The following RCAN2 variants were observed in gnomAD, a reference collection of about 807,000 sequenced individuals.
RCAN2 encodes the protein calcipressin-2.
RCAN2 carries 9 observed loss-of-function variants against 23.6 expected under a neutral mutation model. That is an observed-to-expected ratio of 0.38 (90% CI 0.23 to 0.67). RCAN2 has a LOEUF of 0.67. Ranked by LOEUF, RCAN2 falls within the 30% of genes least tolerant of loss-of-function variation. The pLI is 0.51. For synonymous variants in RCAN2, 109 were observed against 115.7 expected (o/e 0.94, Z 0.37); for missense variants, 273 against 302.3 (o/e 0.90, Z 0.72).
intron 2 of RCAN2, among the ~76,000 whole-genome samples, chr6:46,352,686 C>G (rs1435024557): frequency 6.6e-6 from 1 of 152,194 alleles, no homozygotes; most frequent in African/African-American, 2.4e-5. Context: ...AAGTAAAATT[C>G]CCCTGGGAGA....
At chr6:46,288,270 C>T (rs1425284270) in intron 2 of RCAN2, among the ~76,000 whole-genome samples, 1 of 152,168 alleles carries the variant, frequency 6.6e-6, no homozygotes, top group African/African-American at 2.4e-5. Context: ...AACAAGTAAC[C>T]ATAGCAGTAA....
chr6:46,348,374 C>T (rs1205419459), intron 2 of RCAN2, among the ~76,000 whole-genome samples: 1 of 152,266 alleles, frequency 6.6e-6, no homozygotes, highest in African/African-American at 2.4e-5. Flanking sequence ...AACAGCCAGC[C>T]GTCCGTCTGT....
In RCAN2 at chr6:46,400,224, C is replaced by A. The variant is rs866289393; in HGVS notation, c.225+56528G>T. Among the ~76,000 whole-genome samples the A allele has an allele frequency of 8.5e-5, 13 of 152,312 alleles. No homozygotes were observed. The Middle Eastern group carries it at 0.014, about 159-fold the overall frequency. Reference sequence around the variant, plus strand: ...CAATTTATCTCCCTGACATGATCTTCCACTTTCCTTAGCACTTAGTCAAGC... The same window carrying A: ...CAATTTATCTCCCTGACATGATCTTACACTTTCCTTAGCACTTAGTCAAGC... On this transcript the variant is annotated intron_variant, in intron 2 of 4. Coordinates refer to ENST00000371374, the MANE Select transcript of RCAN2 (RefSeq NM_001251974.2).
intron 2 of RCAN2, among the ~76,000 whole-genome samples, chr6:46,419,560 A>T (rs1766813436): frequency 6.6e-6 from 1 of 152,204 alleles, no homozygotes; most frequent in East Asian, 1.9e-4. Context: ...TTTGCCCAAG[A>T]TTTTATAAAA....
intron 2 of RCAN2, among the ~76,000 whole-genome samples, chr6:46,289,371 T>G (rs1762469680): frequency 6.6e-6 from 1 of 152,214 alleles, no homozygotes; most frequent in South Asian, 2.1e-4. Flanking sequence ...CTAATACTGG[T>G]TGGGAAGCCC....
chr6:46,234,778 T>C (rs2150310359), intron 4 of RCAN2, among the ~76,000 whole-genome samples: 1 of 152,302 alleles, frequency 6.6e-6, no homozygotes, highest in South Asian at 2.1e-4. Context: ...CTGACTGAGG[T>C]TTGGCCATTG....
At chr6:46,433,161 A>T (rs969668975) in intron 2 of RCAN2, among the ~76,000 whole-genome samples, 5 of 152,212 alleles carry the variant, frequency 3.3e-5, no homozygotes, top group African/African-American at 9.6e-5. Flanking sequence ...GCTGAAAATC[A>T]GGCAGTAGGG....
At chr6:46,330,392 A>G (rs1763930351) in intron 2 of RCAN2, among the ~76,000 whole-genome samples, 1 of 151,958 alleles carries the variant, frequency 6.6e-6, no homozygotes, top group South Asian at 2.1e-4. Context: ...CCACTTCCAT[A>G]CTCACTCCAG....
intron 3 of RCAN2, 32 bp from the exon 4 acceptor site, chr6:46,246,951 T>G (rs541303695): frequency 6.8e-7 from 1 of 1,475,464 alleles, no homozygotes; most frequent in Non-Finnish European, 9.0e-7. Context: ...AAGAAACTTA[T>G]TCATCATGGC....
intron 2 of RCAN2, among the ~76,000 whole-genome samples, chr6:46,379,813 A>C (rs963313474): frequency 1.3e-5 from 2 of 152,154 alleles, no homozygotes; most frequent in African/African-American, 2.4e-5. Flanking sequence ...ATGCCTACTA[A>C]GTGTAAGCAT....
At position 46,221,679 on chromosome 6, in the gene RCAN2, C is replaced by A; in HGVS notation, c.*1462G>T. 5.5e-6 allele frequency: 2 copies of A among 366,074 alleles called. No individual in the cohort carries two copies. Among genetic ancestry groups the A allele is most frequent in the Non-Finnish European group, 9.7e-6 (2 of 205,496 alleles). 22.7% of individuals were successfully genotyped at this position (366,074 alleles called of 1,614,324 possible). ...TAACATACACCTTAGTCAAAAACCA[C>A]AACAATCCCTCAATCTGTTTGCTGT... On this transcript the variant is annotated 3_prime_UTR_variant, in exon 5 of 5. Coordinates refer to ENST00000371374, the MANE Select transcript of RCAN2 (RefSeq NM_001251974.2).
rs149098131 is a variant in RCAN2 at position 46,408,224 on chromosome 6, T to A, written c.225+48528A>T. Among the ~76,000 whole-genome samples, 1,489 of 152,264 alleles carry A rather than the reference T, an allele frequency of 9.8e-3. 20 individuals carry two copies. Among genetic ancestry groups the A allele is most frequent in the African/African-American group, 0.034 (1,408 of 41,540 alleles). On this transcript the variant is annotated intron_variant, in intron 2 of 4. Coordinates refer to ENST00000371374, the MANE Select transcript of RCAN2 (RefSeq NM_001251974.2). Reference sequence around the variant, plus strand: ...CTTCCCTGCGGGCGGCTCCGACTGTTCAGCTCTACATAATTTTGCTCAGGT... The same window carrying A: ...CTTCCCTGCGGGCGGCTCCGACTGTACAGCTCTACATAATTTTGCTCAGGT...
In RCAN2 at chr6:46,223,009, A is replaced by T; in HGVS notation, c.*132T>A. 1.1e-6 allele frequency: 1 copy of T among 906,504 alleles called. No homozygotes were observed. Among genetic ancestry groups the T allele is most frequent in the Non-Finnish European group, 1.7e-6 (1 of 582,562 alleles). The allele number at this position is 906,504 out of a possible 1,614,324, so 56.2% of individuals were successfully genotyped here. A position where few individuals can be genotyped will look rare whatever the true frequency, so the allele number is the denominator to read the frequency against. On this transcript the variant is annotated 3_prime_UTR_variant, in exon 5 of 5. Transcript: ENST00000371374. The stretch of plus-strand genomic sequence containing the variant: ...CCTTTTCCTAGCCCTTTTGTCCGAG[A>T]GGCTTGATAACAAGGAAGGAATCTC...
chr6:46,288,478 A>T (rs1299663256), intron 2 of RCAN2, among the ~76,000 whole-genome samples: 2 of 152,220 alleles, frequency 1.3e-5, no homozygotes, highest in Non-Finnish European at 1.5e-5. Flanking sequence ...CCCTCTATGG[A>T]TACCCTCTGA....
At chr6:46,490,135 T>G (rs191488906) in intron 1 of RCAN2, among the ~76,000 whole-genome samples, 1 of 152,338 alleles carries the variant, frequency 6.6e-6, no homozygotes, top group East Asian at 1.9e-4. Flanking sequence ...TGAGTTGCAC[T>G]GTTAAAGTTG....
At chr6:46,329,596 G>T (rs1029755637) in intron 2 of RCAN2, among the ~76,000 whole-genome samples, 4 of 152,062 alleles carry the variant, frequency 2.6e-5, no homozygotes, top group African/African-American at 9.7e-5. Context: ...AACCAATAGA[G>T]GTGCCTCCTA....
Position 46,479,456 on chromosome 6 carries a change from AGAT to A in RCAN2, c.-3+11714_-3+11716del, listed in dbSNP as rs1425444599. Among the ~76,000 whole-genome samples, 4 of 152,318 alleles carry A rather than the reference AGAT, an allele frequency of 2.6e-5. No individual in the cohort carries two copies. In the East Asian group the frequency reaches 7.7e-4, roughly 29 times the overall value. On this transcript the variant is annotated intron_variant, in intron 1 of 4. Transcript: ENST00000371374. ...TCAAATGAACATTTACTTAATATTC[AGAT>A]GATGATGTTTTCCTAAAAGTAACCC...
intron 2 of RCAN2, among the ~76,000 whole-genome samples, chr6:46,395,423 T>A (rs1322605825): frequency 6.6e-6 from 1 of 152,218 alleles, no homozygotes; most frequent in Non-Finnish European, 1.5e-5. Context: ...ACAACCCATG[T>A]GTCTAAGGCT....
chr6:46,389,812 T>C (rs1765876618), intron 2 of RCAN2, among the ~76,000 whole-genome samples: 1 of 152,102 alleles, frequency 6.6e-6, no homozygotes, highest in African/African-American at 2.4e-5. Flanking sequence ...TTTAGTTAGG[T>C]TGCTGAGTTC....
Sources: gnomAD v4.1 joint callset for allele counts (sites outside exome capture counted in the v4.1 genomes callset) on GRCh38, gnomAD v4.1.1 for gene constraint, MANE v1.5 for transcripts, NCBI Gene and HGNC (gene_info 2026-07-23, HGNC 2026-07-21) for gene names.